NOVA1: variants seen among roughly 807,000 people sequenced by gnomAD.
NOVA1 encodes the protein RNA-binding protein Nova-1.
A neutral mutation model predicts 38.0 loss-of-function variants in NOVA1; 7 were observed. The observed-to-expected ratio is 0.18, with a 90% CI of 0.10 to 0.35. The LOEUF (loss-of-function observed/expected upper bound fraction) is 0.35. Ranked by LOEUF, NOVA1 falls within the 10% of genes least tolerant of loss-of-function variation. The pLI is 1.00. For missense variants in NOVA1, 460 were observed against 616.0 expected (o/e 0.75, Z 2.68); for synonymous variants, 270 against 232.5 (o/e 1.16, Z -1.47).
At chr14:26,485,872 A>G (rs1442842147) in intron 2 of NOVA1, among the ~76,000 whole-genome samples, 2 of 152,162 alleles carry the variant, frequency 1.3e-5, no homozygotes, top group African/African-American at 4.8e-5. Flanking sequence ...TCACAAAATA[A>G]AACAATAATA....
At chr14:26,524,850 T>A (rs1321334726) in intron 2 of NOVA1, among the ~76,000 whole-genome samples, 1 of 152,162 alleles carries the variant, frequency 6.6e-6, no homozygotes, top group East Asian at 1.9e-4. Context: ...CAACATAAAA[T>A]TTTTTAAAGG....
chr14:26,489,805 C>A (rs2138346596), intron 2 of NOVA1, among the ~76,000 whole-genome samples: 1 of 152,138 alleles, frequency 6.6e-6, no homozygotes, highest in Non-Finnish European at 1.5e-5. Flanking sequence ...CACTGCACTC[C>A]AGCCTGGGCA....
chr14:26,570,106 G>A (rs1892379520), intron 2 of NOVA1, among the ~76,000 whole-genome samples: 1 of 152,100 alleles, frequency 6.6e-6, no homozygotes, highest in African/African-American at 2.4e-5. Flanking sequence ...CAATACCTTG[G>A]GAAGCAGAAG....
chr14:26,594,131 C>A (rs560226642), intron 2 of NOVA1: 14 of 151,974 alleles, frequency 9.2e-5, no homozygotes, highest in African/African-American at 2.6e-4. Context: ...CAAGGAAAGC[C>A]ATCTGCAAAA....
intron 2 of NOVA1, among the ~76,000 whole-genome samples, chr14:26,555,199 C>T (rs1165060398): frequency 6.6e-6 from 1 of 152,050 alleles, no homozygotes; most frequent in African/African-American, 2.4e-5. Flanking sequence ...AGTTTAATAA[C>T]AGAATCTTCC....
At chr14:26,516,553 A>G (rs1888477967) in intron 2 of NOVA1, among the ~76,000 whole-genome samples, 1 of 152,204 alleles carries the variant, frequency 6.6e-6, no homozygotes, top group African/African-American at 2.4e-5. Flanking sequence ...AGTGTCAGGT[A>G]GGAGCCAAGA....
rs754826857 is a variant in NOVA1 at position 26,448,742 on chromosome 14, A to G, written c.741T>C (p.Ser247=). 2 of 1,614,072 alleles carry G rather than the reference A, an allele frequency of 1.2e-6. No homozygotes were observed. Among genetic ancestry groups the G allele is most frequent in the Admixed American group, 3.3e-5 (2 of 60,004 alleles). ...CATAACTGATATTGAGACAGCTGCC[A>G]CTTTGTGGATCCTCTTGTATCTTCT... ...IIQKIQEDPQ[S]GSCLNISYAN... is the part of the protein sequence containing the mutation. The change falls in exon 5 of 5, where the codon AGT becomes AGC. Residue 247 remains serine (S), a synonymous_variant. Transcript: ENST00000539517. The surrounding 1 kb of genome is among the most constrained non-coding windows in gnomAD (Gnocchi z 5.3).
intron 1 of NOVA1, 106 bp downstream of exon 1, chr14:26,597,195 G>C: frequency 8.6e-7 from 1 of 1,159,176 alleles, no homozygotes; most frequent in Non-Finnish European, 1.1e-6. Flanking sequence ...GAGGTGTCCG[G>C]GCCGCGGGAG....
chr14:26,545,165 T>C (rs10129203), intron 2 of NOVA1, among the ~76,000 whole-genome samples: 3,236 of 152,178 alleles, frequency 0.021, 110 homozygotes, highest in African/African-American at 0.074. Flanking sequence ...TCTCTGACTT[T>C]ACATCTAGTA....
intron 2 of NOVA1, among the ~76,000 whole-genome samples, chr14:26,542,853 A>T (rs1890556328): frequency 6.6e-6 from 1 of 151,858 alleles, no homozygotes; most frequent in East Asian, 1.9e-4. Flanking sequence ...ATCTTTATTT[A>T]TCATAGTTAG....
intron 2 of NOVA1, among the ~76,000 whole-genome samples, chr14:26,530,898 G>A (rs1030378680): frequency 2.6e-5 from 4 of 151,982 alleles, no homozygotes; most frequent in East Asian, 1.9e-4. Context: ...ATAACAATAC[G>A]AATGACATTA....
intron 4 of NOVA1, among the ~76,000 whole-genome samples, chr14:26,455,434 A>G (rs1883084959): frequency 6.6e-6 from 1 of 152,096 alleles, no homozygotes; most frequent in Non-Finnish European, 1.5e-5. Context: ...CTTTAGTTTC[A>G]TCATCTATAA....
At chr14:26,461,519 T>A (rs970641029) in intron 4 of NOVA1, among the ~76,000 whole-genome samples, 4 of 152,066 alleles carry the variant, frequency 2.6e-5, no homozygotes, top group Non-Finnish European at 5.9e-5. Flanking sequence ...ATAGACTACC[T>A]ACACTACAGC....
chr14:26,596,953 G>A, intron 1 of NOVA1: 2 of 1,204,282 alleles, frequency 1.7e-6, no homozygotes, highest in Non-Finnish European at 2.1e-6. Flanking sequence ...ACCTCACTCC[G>A]GGGTCATCCT....
At chr14:26,531,813 C>G (rs977105949) in intron 2 of NOVA1, among the ~76,000 whole-genome samples, 1 of 152,048 alleles carries the variant, frequency 6.6e-6, no homozygotes, top group Non-Finnish European at 1.5e-5. Flanking sequence ...AAAATATTCA[C>G]AACACATATA....
At chr14:26,593,963 C>T (rs991655895) in intron 2 of NOVA1, 6 of 151,828 alleles carry the variant, frequency 4.0e-5, no homozygotes, top group Admixed American at 6.6e-5. Context: ...AGAACTATCA[C>T]GTTATTAATT....
chr14:26,578,665 A>C (rs1308494291), intron 2 of NOVA1, among the ~76,000 whole-genome samples: 5 of 152,192 alleles, frequency 3.3e-5, no homozygotes, highest in Admixed American at 2.6e-4. Flanking sequence ...AAGATCATGA[A>C]AGAGCTTTCA....
At chr14:26,486,399 T>A (rs1158751127) in intron 2 of NOVA1, among the ~76,000 whole-genome samples, 1 of 151,980 alleles carries the variant, frequency 6.6e-6, no homozygotes, top group Non-Finnish European at 1.5e-5. Flanking sequence ...ACTGTTAAAA[T>A]TATATAAACT....
rs1416914590 is a variant in NOVA1, at chr14:26,462,473, A to AGATGCAACAGGCG, written c.519+9846_519+9847insCGCCTGTTGCATC. Among the ~76,000 whole-genome samples, 689 of 152,362 alleles carry AGATGCAACAGGCG rather than the reference A, an allele frequency of 4.5e-3. 6 individuals carry two copies. Among genetic ancestry groups the AGATGCAACAGGCG allele is most frequent in the African/African-American group, 0.016 (656 of 41,594 alleles). On this transcript the variant is annotated intron_variant, in intron 4 of 4. Transcript: ENST00000539517. ...TTCAAGAGGCGTCATGAAATATTTT[A>AGATGCAACAGGCG]TCCGACTGTTCAAATATAGATGCAA... is the stretch of plus-strand genomic sequence containing the variant.
Sources: allele counts gnomAD v4.1 joint callset (sites outside exome capture counted in the v4.1 genomes callset), GRCh38; gene constraint gnomAD v4.1.1; non-coding constraint Gnocchi (gnomAD v3.1); transcripts MANE v1.5; gene names NCBI Gene and HGNC (gene_info 2026-07-23, HGNC 2026-07-21).